The following SORCS3 variants were observed in gnomAD, a reference collection of about 807,000 sequenced individuals.
The protein encoded by SORCS3 is VPS10 domain-containing receptor SorCS3.
In SORCS3, 57 loss-of-function variants were observed where a neutral mutation model predicts 146.3. That is an observed-to-expected ratio of 0.39 (90% confidence interval 0.31 to 0.49). SORCS3 has a LOEUF of 0.49. Among genes scored for constraint, SORCS3 ranks in the 20% least tolerant of loss-of-function variants. SORCS3 has a pLI of 0.92. For missense variants in SORCS3, 1,341 were observed against 1,575.5 expected, an observed-to-expected ratio of 0.85 and a Z score of 2.52; for synonymous variants, 653 against 618.5, an observed-to-expected ratio of 1.06 and a Z score of -0.83.
At chr10:104,821,363 T>A (rs1446905438) in intron 1 of SORCS3, among the ~76,000 whole-genome samples, 1 of 152,140 alleles carries the variant, frequency 6.6e-6, no homozygotes, top group East Asian at 1.9e-4. Flanking sequence ...GGACAGGGCT[T>A]GAGCTGATGC....
intron 2 of SORCS3, among the ~76,000 whole-genome samples, chr10:104,904,744 G>C (rs538155876): frequency 6.6e-6 from 1 of 151,310 alleles, no homozygotes; most frequent in Admixed American, 6.6e-5. Flanking sequence ...ACACCAAAAT[G>C]TTAACTGAGT....
intron 9 of SORCS3, 116 bp downstream of exon 9, chr10:105,147,912 T>C: frequency 2.4e-6 from 2 of 818,130 alleles, no homozygotes; most frequent in Non-Finnish European, 3.8e-6. Flanking sequence ...CACTTAGCAA[T>C]TGTATGACTT....
chr10:105,081,462 T>C lies in SORCS3; in HGVS notation c.1029-8313T>C, dbSNP rs73348261. Among the ~76,000 whole-genome samples the C allele has an allele frequency of 3.1e-3, 479 of 152,244 alleles. 2 individuals are homozygous for C. Among genetic ancestry groups the C allele is most frequent in the African/African-American group, 0.011 (460 of 41,560 alleles). On this transcript the variant is annotated intron_variant, in intron 5 of 26. Coordinates refer to ENST00000369701, the MANE Select transcript of SORCS3 (RefSeq NM_014978.3). The stretch of plus-strand genomic sequence containing the variant: ...TTTCTGGTCTATGGCATGAATGGGG[T>C]TGGACAGGATTGTGATGTTTCTGAG...
chr10:105,050,425 C>T (rs1318557468), intron 5 of SORCS3, among the ~76,000 whole-genome samples: 1 of 152,064 alleles, frequency 6.6e-6, no homozygotes, highest in East Asian at 1.9e-4. Flanking sequence ...TTGAGAGCCC[C>T]ATGTGTCAAG....
intron 7 of SORCS3, among the ~76,000 whole-genome samples, chr10:105,125,065 G>C (rs545125563): frequency 3.3e-5 from 5 of 152,084 alleles, no homozygotes; most frequent in African/African-American, 1.2e-4. Context: ...CTTTGTCTAC[G>C]GACGGGGTCA....
At chr10:105,009,341 C>T (rs1222168471) in intron 4 of SORCS3, among the ~76,000 whole-genome samples, 1 of 151,938 alleles carries the variant, frequency 6.6e-6, no homozygotes, top group Non-Finnish European at 1.5e-5. Context: ...GTAATTGTAT[C>T]CTAGATGTAA....
intron 1 of SORCS3, among the ~76,000 whole-genome samples, chr10:104,838,933 C>T (rs993036188): frequency 2.0e-5 from 3 of 152,010 alleles, no homozygotes; most frequent in South Asian, 4.1e-4. Context: ...AGGAGCACTA[C>T]CTTGGGGGTA....
At chr10:105,211,022 C>A in intron 16 of SORCS3, 115 bp from the exon 17 acceptor site, 1 of 641,094 alleles carries the variant, frequency 1.6e-6, no homozygotes, top group South Asian at 2.0e-5. Context: ...ATATTTAAAA[C>A]AATGTGTTAT....
chr10:104,829,879 G>A (rs376113797), intron 1 of SORCS3, among the ~76,000 whole-genome samples: 2 of 152,004 alleles, frequency 1.3e-5, no homozygotes, highest in East Asian at 1.9e-4. Context: ...CCTCTAACTC[G>A]AGATATTTTT....
intron 1 of SORCS3, among the ~76,000 whole-genome samples, chr10:104,654,756 G>A (rs1589448090): frequency 6.6e-6 from 1 of 152,186 alleles, no homozygotes; most frequent in Non-Finnish European, 1.5e-5. Flanking sequence ...ATGGACTGAT[G>A]AAGGTGGGAA....
intron 1 of SORCS3, among the ~76,000 whole-genome samples, chr10:104,798,440 TCA>T (rs1464469282): frequency 6.6e-6 from 1 of 152,128 alleles, no homozygotes; most frequent in East Asian, 1.9e-4. Context: ...TGCATAACAA[TCA>T]CAGAGAAGCT....
intron 1 of SORCS3, among the ~76,000 whole-genome samples, chr10:104,695,726 C>CT (rs1044994377): frequency 4.6e-5 from 7 of 151,066 alleles, no homozygotes; most frequent in African/African-American, 1.5e-4. Context: ...GTGTAATTTG[C>CT]TTTTTTTTCC....
At chr10:104,894,260 G>A (rs576848708) in intron 2 of SORCS3, among the ~76,000 whole-genome samples, 39 of 152,296 alleles carry the variant, frequency 2.6e-4, no homozygotes, top group African/African-American at 8.7e-4. Context: ...AGGGAAAAAG[G>A]CATTGCTCTT....
intron 13 of SORCS3, among the ~76,000 whole-genome samples, chr10:105,167,726 GT>G (rs1211145505): frequency 6.6e-6 from 1 of 152,108 alleles, no homozygotes; most frequent in Non-Finnish European, 1.5e-5. Context: ...TGAGTTAGTG[GT>G]TTCTATGAAT....
intron 26 of SORCS3, among the ~76,000 whole-genome samples, chr10:105,262,870 A>G (rs1016375312): frequency 1.5e-4 from 23 of 152,170 alleles, no homozygotes; most frequent in African/African-American, 4.6e-4. Flanking sequence ...AATCTACTAC[A>G]TCTGTGACCT....
intron 1 of SORCS3, among the ~76,000 whole-genome samples, chr10:104,773,888 A>T (rs1345816531): frequency 6.6e-6 from 1 of 152,142 alleles, no homozygotes; most frequent in Non-Finnish European, 1.5e-5. Context: ...TGTGGTCCAA[A>T]ACCCAGCAGT....
intron 5 of SORCS3, among the ~76,000 whole-genome samples, chr10:105,075,823 A>G (rs2055585346): frequency 6.6e-6 from 1 of 152,064 alleles, no homozygotes; most frequent in African/African-American, 2.4e-5. Context: ...AGCCCCAGCA[A>G]CCTCTTCAAT....
At chr10:104,831,366 A>G (rs867640412) in intron 1 of SORCS3, among the ~76,000 whole-genome samples, 2 of 152,190 alleles carry the variant, frequency 1.3e-5, no homozygotes, top group South Asian at 4.1e-4. Flanking sequence ...ACTTATGGGC[A>G]CCATCTATTT....
At chr10:105,101,021 G>A (rs892594706) in intron 6 of SORCS3, among the ~76,000 whole-genome samples, 5 of 152,190 alleles carry the variant, frequency 3.3e-5, no homozygotes, top group Non-Finnish European at 7.3e-5. Flanking sequence ...TAGCTTCGGA[G>A]TCCTTGCTTT....
Sources: allele counts gnomAD v4.1 joint callset (sites outside exome capture counted in the v4.1 genomes callset), GRCh38; gene constraint gnomAD v4.1.1; transcripts MANE v1.5; gene names NCBI Gene and HGNC (gene_info 2026-07-23, HGNC 2026-07-21).